Variants in ABLIM1 observed in about 807,000 individuals in gnomAD.
ABLIM1 encodes actin-binding LIM protein 1.
In ABLIM1, 40 loss-of-function variants were observed where a neutral mutation model predicts 107.0. That is an observed-to-expected ratio of 0.37 (90% CI 0.29 to 0.49). ABLIM1 has a LOEUF of 0.49. Among genes scored for constraint, ABLIM1 ranks in the 20% least tolerant of loss-of-function variants. ABLIM1 has a pLI of 0.97. For missense variants in ABLIM1, 857 were observed against 1,008.5 expected (o/e 0.85, Z 2.04); for synonymous variants, 357 against 357.3 (o/e 1.00, Z 0.01).
At chr10:114,590,165 A>C (rs1421818127) in intron 2 of ABLIM1, among the ~76,000 whole-genome samples, 2 of 152,160 alleles carry the variant, frequency 1.3e-5, no homozygotes, top group African/African-American at 4.8e-5. Flanking sequence ...GCTACACCAT[A>C]TGGCCTAGCT....
At chr10:114,689,150 A>G (rs1304196527), upstream of ABLIM1, among the ~76,000 whole-genome samples, 3 of 152,236 alleles carry the variant, frequency 2.0e-5, no homozygotes, top group African/African-American at 7.2e-5. Context: ...CAGTTTATCA[A>G]GTTCAGGCAG....
intron 14 of ABLIM1, 57 bp downstream of exon 14, chr10:114,451,567 G>C: frequency 6.7e-7 from 1 of 1,500,404 alleles, no homozygotes; most frequent in Non-Finnish European, 9.3e-7. Context: ...AGGACAGCAA[G>C]GAGAAGTTCA....
At chr10:114,458,647 C>G (rs1271638176) in intron 12 of ABLIM1, among the ~76,000 whole-genome samples, 2 of 152,154 alleles carry the variant, frequency 1.3e-5, no homozygotes, top group Admixed American at 1.3e-4. Flanking sequence ...TTACGGTTTC[C>G]TTCAGCAAGT....
At chr10:114,457,076 G>T (rs1014761796) in intron 12 of ABLIM1, among the ~76,000 whole-genome samples, 4 of 152,254 alleles carry the variant, frequency 2.6e-5, no homozygotes, top group Admixed American at 2.6e-4. Context: ...TCTGCAGAAT[G>T]TGCTTTTCAC....
At chr10:114,495,063 C>A (rs1346760650) in intron 6 of ABLIM1, among the ~76,000 whole-genome samples, 1 of 152,106 alleles carries the variant, frequency 6.6e-6, no homozygotes, top group Admixed American at 6.5e-5. Context: ...TATATGTGTG[C>A]CCTTCTTAGA....
At chr10:114,685,378 T>C (rs1777033986), upstream of ABLIM1, among the ~76,000 whole-genome samples, 1 of 152,196 alleles carries the variant, frequency 6.6e-6, no homozygotes, top group African/African-American at 2.4e-5. Context: ...TTGTGAGATA[T>C]TAATTTAATG....
In ABLIM1 at chr10:114,657,950, T is replaced by C; in HGVS notation, c.244+7A>G. ...AAACCATGTCCAGAGAGGGTTATTT[T>C]ACTTACCAAAAGGATCAACGCTGTT... is the stretch of plus-strand genomic sequence containing the variant. On this transcript the variant is annotated splice_region_variant and intron_variant, in intron 1 of 22. Coordinates refer to ENST00000533213, the MANE Select transcript of ABLIM1 (RefSeq NM_002313.7). The C allele has an allele frequency of 6.2e-7, 1 of 1,604,954 alleles. No homozygotes were observed. The highest frequency in any genetic ancestry group is 8.5e-7 in the Non-Finnish European group (1 of 1,172,884).
intron 1 of ABLIM1, 130 bp from the exon 2 acceptor site, chr10:114,602,091 C>T: frequency 7.5e-6 from 9 of 1,199,248 alleles, no homozygotes; most frequent in Non-Finnish European, 1.1e-5. Context: ...ACAGAGCAGT[C>T]CCTCCAAGTC....
At chr10:114,765,681 A>G (rs2082875310) in intron 1 of ABLIM1, among the ~76,000 whole-genome samples, 1 of 151,142 alleles carries the variant, frequency 6.6e-6, no homozygotes, top group Non-Finnish European at 1.5e-5. Flanking sequence ...TAAGCACTCT[A>G]CTAATCTTTT....
the ABLIM1 span, chr10:114,778,678 G>T: frequency 6.6e-6 from 1 of 151,432 alleles, no homozygotes; most frequent in Non-Finnish European, 1.5e-5. Flanking sequence ...TCCCTTACCT[G>T]AAATGCCCAA....
At chr10:114,794,660 T>A in the ABLIM1 span, among the ~76,000 whole-genome samples, 13 of 152,194 alleles carry the variant, frequency 8.5e-5, no homozygotes, top group African/African-American at 3.1e-4. Flanking sequence ...TCAAACTACA[T>A]ACTAATCACT....
intron 13 of ABLIM1, among the ~76,000 whole-genome samples, chr10:114,452,182 G>A (rs534174644): frequency 2.8e-4 from 43 of 152,218 alleles, no homozygotes; most frequent in African/African-American, 9.2e-4. Flanking sequence ...AGGCTAGCCT[G>A]GTGTGCTGAT....
chr10:114,792,528 C>G, the ABLIM1 span, among the ~76,000 whole-genome samples: 4 of 152,254 alleles, frequency 2.6e-5, no homozygotes, highest in African/African-American at 7.2e-5. Context: ...TTTATCCTTT[C>G]AGACAACTTT....
chr10:114,553,428 G>A (rs1177572363), intron 4 of ABLIM1, among the ~76,000 whole-genome samples: 1 of 152,218 alleles, frequency 6.6e-6, no homozygotes, highest in Non-Finnish European at 1.5e-5. Flanking sequence ...TCCAAGGAAA[G>A]GTGCTAGGAA....
chr10:114,785,435 T>C, the ABLIM1 span, among the ~76,000 whole-genome samples: 1 of 152,228 alleles, frequency 6.6e-6, no homozygotes, highest in Non-Finnish European at 1.5e-5. Context: ...TATGTAATAA[T>C]GGAATAAGTT....
upstream of ABLIM1, among the ~76,000 whole-genome samples, chr10:114,772,452 T>A (rs1183247402): frequency 1.3e-5 from 2 of 149,954 alleles, no homozygotes; most frequent in African/African-American, 4.9e-5. Context: ...AAAAAAAAAA[T>A]TTAAATTAGC....
upstream of ABLIM1, among the ~76,000 whole-genome samples, chr10:114,769,443 GAAAGAAAGAA>G (rs2082989297): frequency 5.4e-5 from 2 of 37,316 alleles, no homozygotes; most frequent in Non-Finnish European, 7.7e-5. Context: ...AAGAAAGAAA[GAAAGAAAGAA>G]AGAAAGAAAG....
chr10:114,455,505 C>T (rs1394241438), intron 12 of ABLIM1, among the ~76,000 whole-genome samples: 1 of 152,078 alleles, frequency 6.6e-6, no homozygotes, highest in African/African-American at 2.4e-5. Flanking sequence ...CAGAGGAAAA[C>T]AGGGGAAGGA....
Position 114,672,180 on chromosome 10 carries a change from G to GTTAT in ABLIM1, c.64+12106_64+12109dup, listed in dbSNP as rs1227720676. ...TATGAGCCACAACACCTAGCCAGGA[G>GTTAT]TTATTTATTTATTTATTTATTTTTA... On this transcript the variant is annotated intron_variant, in intron 1 of 23. Transcript: ENST00000369256. Among the ~76,000 whole-genome samples, 111 of 151,684 alleles carry GTTAT rather than the reference G, an allele frequency of 7.3e-4. 1 individual carries two copies. The highest frequency in any genetic ancestry group is 3.4e-3 in the Middle Eastern group (1 of 294).
Sources: gnomAD v4.1 joint callset for allele counts (sites outside exome capture counted in the v4.1 genomes callset) on GRCh38, gnomAD v4.1.1 for gene constraint, MANE v1.5 for transcripts, NCBI Gene and HGNC (gene_info 2026-07-23, HGNC 2026-07-21) for gene names.